SBF2: variants seen among roughly 807,000 people sequenced by gnomAD.
SBF2 encodes the protein myotubularin-related protein 13.
In SBF2, 112 loss-of-function variants were observed where a neutral mutation model predicts 225.2. That is an observed-to-expected ratio of 0.50 (90% CI 0.43 to 0.58). SBF2 has a LOEUF of 0.58. Ranked by LOEUF, SBF2 falls within the 20% of genes least tolerant of loss-of-function variation. The probability of loss-of-function intolerance (pLI) is 0.00; values close to 1 mark genes in which losing one functional copy is unlikely to be tolerated. For synonymous variants in SBF2, 763 were observed against 773.3 expected, an observed-to-expected ratio of 0.99 and a Z score of 0.22; for missense variants, 1,996 against 2,206.2, an observed-to-expected ratio of 0.90 and a Z score of 1.91.
chr11:9,868,035 T>G (rs1858376743), intron 17 of SBF2, among the ~76,000 whole-genome samples: 1 of 152,132 alleles, frequency 6.6e-6, no homozygotes, highest in African/African-American at 2.4e-5. Context: ...AAATGACAAA[T>G]GTTTGAGGTG....
chr11:10,084,043 A>C (rs1439004707), intron 2 of SBF2, among the ~76,000 whole-genome samples: 1 of 152,212 alleles, frequency 6.6e-6, no homozygotes. Flanking sequence ...CAAAAGAAAT[A>C]ATCAACAGAG....
chr11:9,798,203 G>A (rs1164747292), intron 32 of SBF2, among the ~76,000 whole-genome samples: 1 of 152,120 alleles, frequency 6.6e-6, no homozygotes, highest in Non-Finnish European at 1.5e-5. Context: ...AGCAAAGAAG[G>A]CCCTGGGTTT....
At chr11:9,997,475 T>C (rs900636992) in intron 9 of SBF2, among the ~76,000 whole-genome samples, 2 of 152,182 alleles carry the variant, frequency 1.3e-5, no homozygotes, top group Non-Finnish European at 2.9e-5. Flanking sequence ...TCTATTCATA[T>C]GGCATTAAGA....
At chr11:10,179,227 G>A (rs1233495228) in intron 2 of SBF2, among the ~76,000 whole-genome samples, 1 of 151,594 alleles carries the variant, frequency 6.6e-6, no homozygotes, top group African/African-American at 2.4e-5. Flanking sequence ...ATAGCATTGG[G>A]AGATATATCT....
At chr11:10,039,933 A>C (rs114889623) in intron 3 of SBF2, among the ~76,000 whole-genome samples, 4 of 147,416 alleles carry the variant, frequency 2.7e-5, no homozygotes, top group Admixed American at 1.4e-4. Flanking sequence ...TATTATTGAC[A>C]AAAAAAAAAC....
At chr11:9,993,239 A>C (rs1370421164) in intron 10 of SBF2, 136 bp from the exon 11 acceptor site, 13 of 657,878 alleles carry the variant, frequency 2.0e-5, no homozygotes, top group Non-Finnish European at 3.2e-5. Flanking sequence ...AGTCACAACC[A>C]AACATAAGAA....
chr11:10,137,928 A>G (rs1954460610), intron 2 of SBF2, among the ~76,000 whole-genome samples: 1 of 152,102 alleles, frequency 6.6e-6, no homozygotes, highest in Non-Finnish European at 1.5e-5. Flanking sequence ...TGAACCCAGG[A>G]GGCAGAGGTT....
intron 6 of SBF2, among the ~76,000 whole-genome samples, chr11:10,019,945 TA>T (rs894952934): frequency 1.3e-5 from 2 of 152,122 alleles, no homozygotes; most frequent in African/African-American, 4.8e-5. Flanking sequence ...TTTAGGAACG[TA>T]AGTTATTTTT....
chr11:10,018,043 C>G (rs568605594), intron 6 of SBF2, among the ~76,000 whole-genome samples: 2 of 152,104 alleles, frequency 1.3e-5, no homozygotes, highest in Non-Finnish European at 2.9e-5. Flanking sequence ...GCAAAAGGAG[C>G]CTTGTGAGTA....
At chr11:10,209,718 A>G (rs964924627) in intron 1 of SBF2, among the ~76,000 whole-genome samples, 3 of 152,140 alleles carry the variant, frequency 2.0e-5, no homozygotes, top group African/African-American at 7.2e-5. Context: ...TATCTCAGAG[A>G]ATGGCACGTT....
chr11:9,853,660 A>C lies in SBF2; in HGVS notation c.2416T>G (p.Ser806Ala), dbSNP rs1412476585. 1 of 1,613,900 alleles carries C rather than the reference A, an allele frequency of 6.2e-7. No homozygotes were observed. Among genetic ancestry groups the C allele is most frequent in the Non-Finnish European group, 8.5e-7 (1 of 1,179,950 alleles). ...SYDTESGFEDSENTDIANSVV... is the reference protein window; with the variant it reads ...SYDTESGFEDAENTDIANSVV... ...GAATTGGCAATGTCAGTATTCTCTG[A>C]ATCTTCAAACCCACTCTCTGTATCA... Residue 806 changes from serine to alanine, a missense_variant, in exon 20 of 40, where the codon TCA (serine) becomes GCA (alanine). By Grantham distance (99) the Ser-to-Ala change is moderately conservative. Coordinates refer to ENST00000256190, the MANE Select transcript of SBF2 (RefSeq NM_030962.4).
intron 3 of SBF2, among the ~76,000 whole-genome samples, chr11:10,032,195 C>T (rs1949286416): frequency 6.6e-6 from 1 of 152,206 alleles, no homozygotes; most frequent in Admixed American, 6.5e-5. Context: ...TAACTAAACA[C>T]TGGTTAATAA....
At chr11:9,914,630 A>G (rs1862919188) in intron 16 of SBF2, among the ~76,000 whole-genome samples, 1 of 152,218 alleles carries the variant, frequency 6.6e-6, no homozygotes, top group African/African-American at 2.4e-5. Flanking sequence ...TGGGCTTGGC[A>G]ATAACTTTTT....
chr11:10,052,150 G>C (rs1950087841), intron 2 of SBF2, among the ~76,000 whole-genome samples: 1 of 119,340 alleles, frequency 8.4e-6, no homozygotes, highest in Non-Finnish European at 1.9e-5. Context: ...GTCTTTATAG[G>C]CAAACAGGAA....
At chr11:10,275,232 T>A (rs758322548) in intron 1 of SBF2, among the ~76,000 whole-genome samples, 3 of 152,058 alleles carry the variant, frequency 2.0e-5, no homozygotes, top group Non-Finnish European at 4.4e-5. Flanking sequence ...AGACAATCAA[T>A]CTGAAAGCAA....
At chr11:10,071,143 AC>A (rs1296107764) in intron 2 of SBF2, among the ~76,000 whole-genome samples, 1 of 151,894 alleles carries the variant, frequency 6.6e-6, no homozygotes, top group African/African-American at 2.4e-5. Context: ...CAAATTGAAT[AC>A]CCTTTATTTC....
intron 16 of SBF2, among the ~76,000 whole-genome samples, chr11:9,952,882 T>C (rs1017028743): frequency 2.0e-5 from 3 of 152,054 alleles, no homozygotes; most frequent in South Asian, 4.1e-4. Flanking sequence ...CAAAAAATAA[T>C]ATATATTGGT....
chr11:9,785,239 A>T lies in SBF2; in HGVS notation c.5117T>A (p.Leu1706His). 6.2e-7 allele frequency: 1 copy of T among 1,613,838 alleles called. No individual in the cohort carries two copies. The highest frequency in any genetic ancestry group is 1.7e-5 in the Admixed American group (1 of 60,024). ...PSYQKRSLLH[L>H]PDSSMGEEQN... ...TTCCTCCCCCATGCTGCTGTCTGGG[A>T]GATGTAGCAGAGACCTCTTCTGATA... The change falls in exon 37 of 40, where the codon CTC becomes CAC. Residue 1706 changes from leucine to histidine, a missense_variant. Physicochemically the swap from Leu to His is moderately conservative, Grantham distance 99. Coordinates refer to ENST00000256190, the MANE Select transcript of SBF2 (RefSeq NM_030962.4).
At chr11:9,977,551 T>C (rs1449761465) in intron 13 of SBF2, among the ~76,000 whole-genome samples, 1 of 151,342 alleles carries the variant, frequency 6.6e-6, no homozygotes, top group African/African-American at 2.4e-5. Flanking sequence ...TGTGTTCTCA[T>C]GCAGACACTG....
Sources: gnomAD v4.1 joint callset for allele counts (sites outside exome capture counted in the v4.1 genomes callset) on GRCh38, gnomAD v4.1.1 for gene constraint, MANE v1.5 for transcripts, NCBI Gene and HGNC (gene_info 2026-07-23, HGNC 2026-07-21) for gene names.